Variants in FRMPD4 observed in about 807,000 individuals in gnomAD.
FRMPD4 encodes FERM and PDZ domain-containing protein 4.
FRMPD4 carries 22 observed loss-of-function variants against 94.1 expected under a neutral mutation model. The observed-to-expected ratio is 0.23, with a 90% CI of 0.17 to 0.33. FRMPD4 has a LOEUF of 0.33. FRMPD4 is among the 10% of genes least tolerant of loss of function. The probability of loss-of-function intolerance (pLI) is 1.00; values close to 1 mark genes in which losing one functional copy is unlikely to be tolerated. For missense variants in FRMPD4, 1,111 were observed against 1,339.9 expected (o/e 0.83, Z 2.67); for synonymous variants, 631 against 548.6 (o/e 1.15, Z -2.10).
intron 1 of FRMPD4, among the ~76,000 whole-genome samples, chrX:12,224,319 G>A (rs772255222): frequency 2.8e-4 from 31 of 110,767 alleles, no homozygotes; most frequent in African/African-American, 8.5e-4. Flanking sequence ...CGTGATAATG[G>A]CTCACTGCAA....
chrX:12,392,410 G>T (rs2148039919), intron 1 of FRMPD4, among the ~76,000 whole-genome samples: 1 of 105,836 alleles, frequency 9.4e-6, no homozygotes, highest in African/African-American at 3.4e-5. Context: ...CAGCACTTTG[G>T]GAGGCTGAGG....
chrX:11,847,089 C>T (rs1297635473), intron 1 of FRMPD4, among the ~76,000 whole-genome samples: 1 of 108,551 alleles, frequency 9.2e-6, no homozygotes, highest in Non-Finnish European at 1.9e-5. Flanking sequence ...TCAGAGTGAA[C>T]AGGCAACCTA....
intron 1 of FRMPD4, among the ~76,000 whole-genome samples, chrX:12,308,779 GGCATTT>G (rs1250163900): frequency 2.7e-5 from 3 of 111,632 alleles, no homozygotes; most frequent in Non-Finnish European, 5.6e-5. Flanking sequence ...GAGCCATATT[GGCATTT>G]GCTAAGGAAA....
At chrX:12,127,153 G>A (rs762116739) in intron 3 of FRMPD4, among the ~76,000 whole-genome samples, 1 of 111,969 alleles carries the variant, frequency 8.9e-6, no homozygotes, top group East Asian at 2.8e-4. Flanking sequence ...TCATCTTCGT[G>A]ACATTCTCTT....
chrX:12,294,485 C>CAGAG (rs1555947932), intron 1 of FRMPD4, among the ~76,000 whole-genome samples: 3 of 92,077 alleles, frequency 3.3e-5, no homozygotes, highest in African/African-American at 1.2e-4. Flanking sequence ...CACACACACA[C>CAGAG]AGAGAGAGAG....
intron 2 of FRMPD4, among the ~76,000 whole-genome samples, chrX:12,529,959 AC>A (rs1481196373): frequency 9.1e-6 from 1 of 110,017 alleles, no homozygotes; most frequent in Non-Finnish European, 1.9e-5. Context: ...TTTTATAAGA[AC>A]CCTAATCCTA....
chrX:12,063,630 G>A (rs959302107), intron 3 of FRMPD4, among the ~76,000 whole-genome samples: 1 of 112,394 alleles, frequency 8.9e-6, no homozygotes, highest in Admixed American at 9.4e-5. Flanking sequence ...GCACATGCCT[G>A]TAGTCCTAGC....
intron 3 of FRMPD4, among the ~76,000 whole-genome samples, chrX:11,896,050 T>G (rs924939097): frequency 8.9e-6 from 1 of 112,765 alleles, no homozygotes; most frequent in African/African-American, 3.2e-5. Context: ...TCGATGTGAT[T>G]TCTCAATTTC....
chrX:12,690,858 A>G (rs1210749615), intron 8 of FRMPD4, among the ~76,000 whole-genome samples: 1 of 112,017 alleles, frequency 8.9e-6, no homozygotes, highest in Non-Finnish European at 1.9e-5. Flanking sequence ...CTGGGGAGAC[A>G]AGCAGGCTGC....
At chrX:12,331,864 TATTTATATACTATATATAAATTATATA>T (rs2055407031) in intron 1 of FRMPD4, among the ~76,000 whole-genome samples, 1 of 30,047 alleles carries the variant, frequency 3.3e-5, no homozygotes, top group Non-Finnish European at 4.6e-5. Context: ...AAATTATATA[TATTTATATACTATATATAAATTATATA>T]TATTTATATA....
intron 1 of FRMPD4, among the ~76,000 whole-genome samples, chrX:11,856,785 T>C (rs1457741692): frequency 8.9e-6 from 1 of 112,022 alleles, no homozygotes; most frequent in South Asian, 3.7e-4. Context: ...TTGCAGATGA[T>C]GTAATTCTAT....
chrX:11,974,865 C>G (rs1230351478), intron 3 of FRMPD4, among the ~76,000 whole-genome samples: 1 of 111,108 alleles, frequency 9.0e-6, no homozygotes, highest in Non-Finnish European at 1.9e-5. Flanking sequence ...TGGGTGGAAG[C>G]AGGGCAAGGC....
chrX:12,657,618 A>C (rs1456238967), intron 4 of FRMPD4, among the ~76,000 whole-genome samples: 1 of 112,202 alleles, frequency 8.9e-6, no homozygotes, highest in African/African-American at 3.2e-5. Context: ...ACACAGTCTG[A>C]GCATCAGAAA....
chrX:12,486,467 C>A (rs1010975500), intron 1 of FRMPD4, among the ~76,000 whole-genome samples: 7 of 112,474 alleles, frequency 6.2e-5, no homozygotes, highest in Admixed American at 9.4e-5. Context: ...CAGCTAGCTG[C>A]TAAAATCTCC....
chrX:12,542,445 C>G lies in FRMPD4; in HGVS notation c.158+43649C>G, dbSNP rs375482191. Among the ~76,000 whole-genome samples the G allele has an allele frequency of 1.8e-4, 20 of 112,069 alleles. No individual in the cohort carries two copies. In the South Asian group the frequency reaches 7.0e-3, roughly 39 times the overall value. On this transcript the variant is annotated intron_variant, in intron 2 of 16. Transcript: ENST00000675598. ...CACAAGCATTCTTATACACCAATAA[C>G]AAACGGAGAGCCAAATCATGAGTGA... is the stretch of plus-strand genomic sequence containing the variant.
chrX:12,238,381 C>T (rs2057094608), intron 1 of FRMPD4, among the ~76,000 whole-genome samples: 1 of 111,504 alleles, frequency 9.0e-6, no homozygotes, highest in African/African-American at 3.3e-5. Flanking sequence ...CACCCCTCTC[C>T]GCCCCGACCA....
intron 1 of FRMPD4, among the ~76,000 whole-genome samples, chrX:12,458,128 T>C (rs1308712640): frequency 8.9e-6 from 1 of 112,073 alleles, no homozygotes. Flanking sequence ...ACTTTGGATG[T>C]TGAGTCTTTA....
At chrX:12,265,894 C>T (rs1462133262) in intron 1 of FRMPD4, among the ~76,000 whole-genome samples, 8 of 107,451 alleles carry the variant, frequency 7.4e-5, no homozygotes, top group South Asian at 4.1e-4. Flanking sequence ...TTTGGGAGGC[C>T]GAGGTGGGCG....
chrX:11,827,312 C>T (rs933612117), intron 1 of FRMPD4, among the ~76,000 whole-genome samples: 2 of 108,776 alleles, frequency 1.8e-5, no homozygotes, highest in Admixed American at 2.0e-4. Context: ...ATGTGATCTT[C>T]ATGCATCTGT....
Sources: gnomAD v4.1 joint callset for allele counts (sites outside exome capture counted in the v4.1 genomes callset) on GRCh38, gnomAD v4.1.1 for gene constraint, MANE v1.5 for transcripts, NCBI Gene and HGNC (gene_info 2026-07-23, HGNC 2026-07-21) for gene names.